TMEM135: variants seen among roughly 807,000 people sequenced by gnomAD.
TMEM135 encodes peroxisomal membrane protein 52.
TMEM135 carries 30 observed loss-of-function variants against 60.3 expected under a neutral mutation model. That is an observed-to-expected ratio of 0.50 (90% CI 0.37 to 0.68). TMEM135 has a LOEUF of 0.68. Ranked by LOEUF, TMEM135 falls within the 30% of genes least tolerant of loss-of-function variation. TMEM135 has a pLI of 0.00. For synonymous variants in TMEM135, 190 were observed against 186.7 expected (o/e 1.02, Z -0.14); for missense variants, 468 against 548.8 (o/e 0.85, Z 1.47).
intron 5 of TMEM135, among the ~76,000 whole-genome samples, chr11:87,224,460 G>A (rs535291496): frequency 1.3e-5 from 2 of 152,118 alleles, no homozygotes; most frequent in South Asian, 4.2e-4. Flanking sequence ...TGGCCTTGCT[G>A]TGACCTTTCT....
At chr11:87,157,442 AATT>A in intron 5 of TMEM135, 36 bp downstream of exon 5, 2 of 1,570,380 alleles carry the variant, frequency 1.3e-6, no homozygotes, top group Non-Finnish European at 1.8e-6. Context: ...ATTAGTTGTT[AATT>A]TATAGTTTGC....
At chr11:87,276,445 T>C (rs937150069) in intron 6 of TMEM135, among the ~76,000 whole-genome samples, 2 of 151,986 alleles carry the variant, frequency 1.3e-5, no homozygotes, top group African/African-American at 2.4e-5. Flanking sequence ...TCAGGTCTTC[T>C]TACTTTAATC....
chr11:87,258,874 A>C, intron 6 of TMEM135: 12 of 886,576 alleles, frequency 1.4e-5, no homozygotes, highest in African/African-American at 1.6e-5. Flanking sequence ...AAGTGAAGGA[A>C]GAGCCCCTTG....
At chr11:87,045,790 A>G (rs2135108612) in intron 1 of TMEM135, among the ~76,000 whole-genome samples, 1 of 152,316 alleles carries the variant, frequency 6.6e-6, no homozygotes, top group East Asian at 1.9e-4. Context: ...ATATTGATGA[A>G]ATATATGGTG....
At chr11:87,189,121 CCCTTTCCCTTTT>C (rs969239839) in intron 5 of TMEM135, among the ~76,000 whole-genome samples, 12 of 150,972 alleles carry the variant, frequency 7.9e-5, no homozygotes, top group Non-Finnish European at 1.3e-4. Context: ...CTTTTCCTTT[CCCTTTCCCTTTT>C]CCTTTCCCTT....
chr11:87,046,271 G>T (rs1949795128), intron 1 of TMEM135, among the ~76,000 whole-genome samples: 2 of 152,292 alleles, frequency 1.3e-5, no homozygotes, highest in African/African-American at 2.4e-5. Flanking sequence ...CAGCGTGGTG[G>T]TGGGCATCTG....
chr11:87,159,577 C>G (rs1170833325), intron 5 of TMEM135, among the ~76,000 whole-genome samples: 1 of 125,026 alleles, frequency 8.0e-6, no homozygotes. Flanking sequence ...AAAGATACTA[C>G]TGAATACACA....
intron 6 of TMEM135, among the ~76,000 whole-genome samples, chr11:87,238,524 G>A (rs1197696866): frequency 1.3e-5 from 2 of 151,936 alleles, no homozygotes; most frequent in Admixed American, 6.6e-5. Flanking sequence ...CTGTCTGGTT[G>A]TCTTTGTGAA....
chr11:87,168,755 G>A (rs1939141632), intron 5 of TMEM135, among the ~76,000 whole-genome samples: 1 of 152,170 alleles, frequency 6.6e-6, no homozygotes, highest in Non-Finnish European at 1.5e-5. Context: ...GAAGTTCTAT[G>A]TGGTGCTGAG....
intron 3 of TMEM135, among the ~76,000 whole-genome samples, chr11:87,075,752 C>T (rs925906225): frequency 1.3e-5 from 2 of 152,184 alleles, no homozygotes; most frequent in Non-Finnish European, 2.9e-5. Context: ...GGGTCCCAAG[C>T]CCAATATCAT....
rs140303858 is a variant in TMEM135 at position 87,159,617 on chromosome 11, A to ACACACACACACACACACACC, written c.462+2212_462+2213insACACACACACACACACACCC. Among the ~76,000 whole-genome samples, 395 of 149,436 alleles carry ACACACACACACACACACACC rather than the reference A, an allele frequency of 2.6e-3. 2 individuals carry two copies. The highest frequency in any genetic ancestry group is 9.5e-3 in the African/African-American group (383 of 40,376). ...CGCACACACACACACACACACACAC[A>ACACACACACACACACACACC]CCATAGATTTTCCGAGACGGTTGGC... On this transcript the variant is annotated intron_variant, in intron 5 of 14. Transcript: ENST00000305494.
chr11:87,165,668 C>T (rs1222178305), intron 5 of TMEM135, among the ~76,000 whole-genome samples: 2 of 151,258 alleles, frequency 1.3e-5, no homozygotes. Flanking sequence ...TCCATCTGGT[C>T]CTGGACTCTT....
chr11:87,247,317 T>G (rs1239204797), intron 6 of TMEM135, among the ~76,000 whole-genome samples: 1 of 152,194 alleles, frequency 6.6e-6, no homozygotes, highest in Non-Finnish European at 1.5e-5. Flanking sequence ...GGGACCCACT[T>G]AAGGAGGCAG....
chr11:87,218,291 T>C (rs1331187764), intron 5 of TMEM135, among the ~76,000 whole-genome samples: 2 of 152,200 alleles, frequency 1.3e-5, no homozygotes, highest in Non-Finnish European at 2.9e-5. Flanking sequence ...TTAAAACTTA[T>C]CTGGGCCTGA....
chr11:87,193,100 A>T lies in TMEM135; in HGVS notation c.462+35694A>T, dbSNP rs1233312907. 5.3e-5 allele frequency among the ~76,000 whole-genome samples: 8 copies of T among 151,262 alleles called. No individual in the cohort carries two copies. The East Asian group carries it at 5.8e-4, about 11-fold the overall frequency. ...ACTGCACTCCAGCCTGGGTGACTCC[A>T]TCTCAAAAAAAAAAATTGTCATTTT... is the stretch of plus-strand genomic sequence containing the variant. On this transcript the variant is annotated intron_variant, in intron 5 of 14. Transcript: ENST00000305494.
intron 5 of TMEM135, among the ~76,000 whole-genome samples, chr11:87,166,958 C>T (rs1007091196): frequency 4.6e-5 from 7 of 151,878 alleles, no homozygotes; most frequent in African/African-American, 9.7e-5. Context: ...TTTTTCCATT[C>T]GTTTGTGTCA....
intron 1 of TMEM135, among the ~76,000 whole-genome samples, chr11:87,061,937 G>T (rs1949951061): frequency 6.6e-6 from 1 of 152,114 alleles, no homozygotes; most frequent in Non-Finnish European, 1.5e-5. Flanking sequence ...AATCAACTCT[G>T]CTTATTGCTG....
intron 6 of TMEM135, among the ~76,000 whole-genome samples, chr11:87,282,517 C>T (rs1261600118): frequency 7.9e-5 from 12 of 152,190 alleles, no homozygotes; most frequent in Admixed American, 6.5e-4. Context: ...CCACTCGCCT[C>T]GACCTCCCAA....
intron 6 of TMEM135, among the ~76,000 whole-genome samples, chr11:87,281,923 G>C (rs1942066808): frequency 6.6e-6 from 1 of 152,218 alleles, no homozygotes; most frequent in South Asian, 2.1e-4. Context: ...CATGTAGCGT[G>C]AGCAGAAAAT....
Sources: gnomAD v4.1 joint callset for allele counts (sites outside exome capture counted in the v4.1 genomes callset) on GRCh38, gnomAD v4.1.1 for gene constraint, MANE v1.5 for transcripts, NCBI Gene and HGNC (gene_info 2026-07-23, HGNC 2026-07-21) for gene names.